ZC3H6: variants seen among roughly 807,000 people sequenced by gnomAD.
ZC3H6 encodes the protein zinc finger CCCH domain-containing protein 6.
A neutral mutation model predicts 107.7 loss-of-function variants in ZC3H6; 40 were observed. That is an observed-to-expected ratio of 0.37 (90% CI 0.29 to 0.48). The LOEUF is 0.48. Ranked by LOEUF, ZC3H6 falls within the 20% of genes least tolerant of loss-of-function variation. ZC3H6 has a pLI of 0.98. For missense variants in ZC3H6, 1,267 were observed against 1,410.4 expected (o/e 0.90, Z 1.63); for synonymous variants, 493 against 487.9 (o/e 1.01, Z -0.14).
At chr2:112,329,267 T>A (rs1219879275) in intron 11 of ZC3H6, among the ~76,000 whole-genome samples, 2 of 152,094 alleles carry the variant, frequency 1.3e-5, no homozygotes, top group Admixed American at 1.3e-4. Context: ...ATTTTCACTC[T>A]CATTTAAGAA....
intron 1 of ZC3H6, among the ~76,000 whole-genome samples, chr2:112,292,671 A>C (rs1213243124): frequency 1.3e-5 from 2 of 152,168 alleles, no homozygotes; most frequent in Admixed American, 6.5e-5. Flanking sequence ...GCAATATGTC[A>C]TATTTTTTTC....
rs1677121192 is a variant in ZC3H6 at position 112,335,374 on chromosome 2, G to A, written c.*2886G>A. On this transcript the variant is annotated 3_prime_UTR_variant, in exon 12 of 12. Transcript: ENST00000409871. ...TCCTACTTACTTTAAGCTGGAAGAA[G>A]AGTTGAGTAGTAAATCCTGTGTGAA... The A allele has an allele frequency of 1.3e-5, 2 of 152,178 alleles. No individual in the cohort carries two copies. Among genetic ancestry groups the A allele is most frequent in the Non-Finnish European group, 2.9e-5 (2 of 68,024 alleles). The allele number at this position is 152,178 out of a possible 1,614,324, so 9.4% of individuals were successfully genotyped here.
chr2:112,297,777 T>C (rs558089722), intron 1 of ZC3H6, among the ~76,000 whole-genome samples: 19 of 151,700 alleles, frequency 1.3e-4, no homozygotes, highest in South Asian at 1.2e-3. Flanking sequence ...GTATGAAAAT[T>C]TGGTTTTTTG....
At position 112,338,873 on chromosome 2, in the gene ZC3H6, A is replaced by G. The variant is rs1275173576; in HGVS notation, c.*6385A>G. 5.7e-3 allele frequency: 68 copies of G among 11,946 alleles called. 3 individuals carry two copies. In the African/African-American group the frequency reaches 0.12, roughly 20 times the overall value. The allele number at this position is 11,946 out of a possible 1,614,324, so 0.7% of individuals were successfully genotyped here. ...TATGTGTGTATATATATATATATAT[A>G]TATATATATATATATATATATATAT... On this transcript the variant is annotated 3_prime_UTR_variant, in exon 12 of 12. Coordinates refer to ENST00000409871, the MANE Select transcript of ZC3H6 (RefSeq NM_198581.3).
chr2:112,306,940 C>T (rs1676487821), intron 3 of ZC3H6, among the ~76,000 whole-genome samples: 1 of 152,330 alleles, frequency 6.6e-6, no homozygotes, highest in South Asian at 2.1e-4. Flanking sequence ...GCCCACTTCT[C>T]AGGATTTTCA....
At chr2:112,327,684 G>A (rs746548884) in intron 11 of ZC3H6, among the ~76,000 whole-genome samples, 2 of 152,144 alleles carry the variant, frequency 1.3e-5, no homozygotes, top group Non-Finnish European at 2.9e-5. Flanking sequence ...TTTGATTTTT[G>A]TGTATGGTGA....
At chr2:112,279,866 A>G (rs989346846) in intron 1 of ZC3H6, among the ~76,000 whole-genome samples, 2 of 152,212 alleles carry the variant, frequency 1.3e-5, no homozygotes, top group Non-Finnish European at 2.9e-5. Flanking sequence ...CAGTCTTGCA[A>G]TATTATTTTC....
At position 112,324,274 on chromosome 2, in the gene ZC3H6, G is replaced by A; in HGVS notation, c.1463G>A (p.Gly488Glu). Residue 488 changes from glycine to glutamate, a missense_variant, in exon 10 of 12, where the codon GGA becomes GAA. This residue lies in a region of ZC3H6 where 925 missense variants were observed against 1,025.7 expected (regional missense o/e 0.90). Transcript: ENST00000409871. The stretch of plus-strand genomic sequence containing the variant: ...GGTCCTGGACCTAACATGTCTCAGG[G>A]ACACAGTAGTCCTGTGATGCACCCA... The part of the protein sequence containing the change: ...SPGPGPNMSQ[G>E]HSSPVMHPGS... 2 of 1,613,922 alleles carry A rather than the reference G, an allele frequency of 1.2e-6. No individual in the cohort carries two copies. Among genetic ancestry groups the A allele is most frequent in the Non-Finnish European group, 1.7e-6 (2 of 1,179,834 alleles).
At chr2:112,289,731 G>A (rs1020037097) in intron 1 of ZC3H6, among the ~76,000 whole-genome samples, 17 of 138,342 alleles carry the variant, frequency 1.2e-4, no homozygotes, top group Admixed American at 2.2e-4. Context: ...TATTTTTACC[G>A]TTTTTTGTTT....
chr2:112,307,576 A>G (rs751723289), intron 3 of ZC3H6, among the ~76,000 whole-genome samples: 77 of 152,328 alleles, frequency 5.1e-4, no homozygotes, highest in African/African-American at 1.6e-3. Flanking sequence ...AATGATGACC[A>G]TATGAACCAT....
intron 1 of ZC3H6, among the ~76,000 whole-genome samples, chr2:112,280,211 TA>T (rs535050347): frequency 6.8e-4 from 104 of 152,356 alleles, no homozygotes; most frequent in African/African-American, 2.5e-3. Flanking sequence ...ATCTGGTTTG[TA>T]AATTAGTATG....
intron 1 of ZC3H6, among the ~76,000 whole-genome samples, chr2:112,282,421 T>TA (rs777003292): frequency 3.3e-5 from 5 of 152,226 alleles, no homozygotes; most frequent in Admixed American, 1.3e-4. Context: ...AGGCTAGCAT[T>TA]TGTTTAGCAC....
intron 1 of ZC3H6, among the ~76,000 whole-genome samples, chr2:112,282,864 T>C (rs1337525596): frequency 1.3e-5 from 2 of 152,196 alleles, no homozygotes; most frequent in African/African-American, 4.8e-5. Flanking sequence ...CTCCATGATA[T>C]ACTTGTCAAG....
At chr2:112,276,544 T>G (rs1284456206) in intron 1 of ZC3H6, among the ~76,000 whole-genome samples, 2 of 152,186 alleles carry the variant, frequency 1.3e-5, no homozygotes, top group African/African-American at 4.8e-5. Context: ...CCTTGGAATT[T>G]GAGATGGCAA....
At chr2:112,313,585 C>T (rs1012501644) in intron 5 of ZC3H6, among the ~76,000 whole-genome samples, 2 of 152,086 alleles carry the variant, frequency 1.3e-5, no homozygotes, top group Admixed American at 6.5e-5. Flanking sequence ...CTGGGCTATA[C>T]CTAAAAGATA....
intron 1 of ZC3H6, among the ~76,000 whole-genome samples, chr2:112,278,372 C>T (rs1686466814): frequency 6.6e-6 from 1 of 152,222 alleles, no homozygotes; most frequent in African/African-American, 2.4e-5. Context: ...GGCTGGAGTG[C>T]AGTGGCACTG....
chr2:112,329,063 C>A (rs115447281), intron 11 of ZC3H6, among the ~76,000 whole-genome samples: 5 of 151,754 alleles, frequency 3.3e-5, no homozygotes, highest in Non-Finnish European at 7.4e-5. Flanking sequence ...TGGTAGTGTT[C>A]TATGGGAGTT....
chr2:112,321,061 G>A (rs947910341), intron 7 of ZC3H6, among the ~76,000 whole-genome samples: 2 of 151,850 alleles, frequency 1.3e-5, no homozygotes, highest in Admixed American at 1.3e-4. Context: ...CCTTATCAGT[G>A]TTTACAATAA....
chr2:112,296,791 G>A (rs1391785694), intron 1 of ZC3H6, among the ~76,000 whole-genome samples: 1 of 152,188 alleles, frequency 6.6e-6, no homozygotes, highest in Admixed American at 6.5e-5. Context: ...AGGTGCTAGA[G>A]ATACCTCTGT....
Sources: allele counts gnomAD v4.1 joint callset (sites outside exome capture counted in the v4.1 genomes callset), GRCh38; gene constraint gnomAD v4.1.1; regional missense constraint gnomAD v4.1.1; transcripts MANE v1.5; gene names NCBI Gene and HGNC (gene_info 2026-07-23, HGNC 2026-07-21).